Variants in TACR3 observed in about 807,000 individuals in gnomAD.
The protein encoded by TACR3 is neuromedin-K receptor.
TACR3 carries 34 observed loss-of-function variants against 35.0 expected under a neutral mutation model. The observed-to-expected ratio is 0.97, with a 90% CI of 0.74 to 1.30. The LOEUF (loss-of-function observed/expected upper bound fraction) is 1.30. Ranked by LOEUF, TACR3 falls within the 50% of genes most tolerant of loss-of-function variation. The pLI is 0.00. For missense variants in TACR3, 558 were observed against 591.7 expected (o/e 0.94, Z 0.59); for synonymous variants, 233 against 221.1 (o/e 1.05, Z -0.48).
At chr4:103,662,209 T>C (rs1454068239) in intron 1 of TACR3, among the ~76,000 whole-genome samples, 1 of 147,470 alleles carries the variant, frequency 6.8e-6, no homozygotes, top group Non-Finnish European at 1.5e-5. Context: ...AACTCCTATG[T>C]TGATGGTGTT....
At chr4:103,595,907 C>A (rs1399738668) in intron 3 of TACR3, among the ~76,000 whole-genome samples, 1 of 122,038 alleles carries the variant, frequency 8.2e-6, no homozygotes, top group Non-Finnish European at 1.7e-5. Context: ...CCCCTCCCCC[C>A]ACCCCACAAC....
chr4:103,659,895 A>G (rs1268833644), intron 1 of TACR3, among the ~76,000 whole-genome samples: 2 of 152,130 alleles, frequency 1.3e-5, no homozygotes, highest in East Asian at 3.9e-4. Context: ...TATGTACCAA[A>G]CAAATTAGCT....
In TACR3 at chr4:103,591,391, C is replaced by A. The variant is rs1723889444; in HGVS notation, c.1085+96G>T. ...ATTCTTAAATTTTCCCTTCCTTCTG[C>A]ATTTTGAATTTGAACCAAGAAAATG... On this transcript the variant is annotated intron_variant, in intron 4 of 4. Transcript: ENST00000304883. The A allele has an allele frequency of 4.1e-6, 6 of 1,461,724 alleles. No individual in the cohort carries two copies. In the South Asian group the frequency reaches 6.9e-5, roughly 17 times the overall value. The allele number at this position is 1,461,724 out of a possible 1,614,324, so 90.5% of individuals were successfully genotyped here.
chr4:103,681,647 C>G (rs977291), intron 1 of TACR3, among the ~76,000 whole-genome samples: 1 of 151,856 alleles, frequency 6.6e-6, no homozygotes, highest in African/African-American at 2.4e-5. Flanking sequence ...TGGTCAGATC[C>G]ACAAATTCAC....
chr4:103,713,991 G>C (rs1723031115), intron 1 of TACR3, among the ~76,000 whole-genome samples: 1 of 152,026 alleles, frequency 6.6e-6, no homozygotes, highest in South Asian at 2.1e-4. Flanking sequence ...GGACAGTGTT[G>C]GGAAAATAAT....
rs1048586939 is a variant in TACR3, at chr4:103,586,428, T to C, written c.*3254A>G. On this transcript the variant is annotated 3_prime_UTR_variant, in exon 5 of 5. Transcript: ENST00000304883. ...GAAGTGTGAGAAATGTTTGTAAGTC[T>C]CCTGCTTTTCTATTTGATGAAATAG... 2.0e-5 allele frequency: 3 copies of C among 152,094 alleles called. No homozygotes were observed. The highest frequency in any genetic ancestry group is 7.2e-5 in the African/African-American group (3 of 41,432). 9.4% of individuals were successfully genotyped at this position (152,094 alleles called of 1,614,324 possible).
chr4:103,609,063 T>C (rs1455270892), intron 3 of TACR3, among the ~76,000 whole-genome samples: 2 of 152,138 alleles, frequency 1.3e-5, no homozygotes, highest in Non-Finnish European at 2.9e-5. Context: ...AAATTGAAAG[T>C]GCTCAGAAAT....
intron 3 of TACR3, among the ~76,000 whole-genome samples, chr4:103,639,899 C>T (rs977456250): frequency 2.6e-5 from 4 of 151,952 alleles, no homozygotes; most frequent in Non-Finnish European, 5.9e-5. Flanking sequence ...CTGTATGGCA[C>T]ATAATAAGCA....
intron 3 of TACR3, among the ~76,000 whole-genome samples, chr4:103,617,719 CATTT>C (rs1373731101): frequency 2.0e-5 from 3 of 152,032 alleles, no homozygotes; most frequent in African/African-American, 7.2e-5. Flanking sequence ...GATCATAATT[CATTT>C]GAGTCATGGT....
chr4:103,603,108 C>T (rs902519319), intron 3 of TACR3, among the ~76,000 whole-genome samples: 4 of 152,210 alleles, frequency 2.6e-5, no homozygotes, highest in Non-Finnish European at 5.9e-5. Flanking sequence ...GGTGCCCCTC[C>T]CCCAGCCTCG....
chr4:103,708,365 C>A (rs1441789873), intron 1 of TACR3, among the ~76,000 whole-genome samples: 1 of 152,206 alleles, frequency 6.6e-6, no homozygotes, highest in Non-Finnish European at 1.5e-5. Context: ...TGCTGTTCTG[C>A]AGCCTCCACT....
At chr4:103,604,751 C>T (rs562736088) in intron 3 of TACR3, among the ~76,000 whole-genome samples, 1 of 151,700 alleles carries the variant, frequency 6.6e-6, no homozygotes, top group Non-Finnish European at 1.5e-5. Flanking sequence ...CTTCTCAAAA[C>T]AAGACAGTTA....
intron 1 of TACR3, among the ~76,000 whole-genome samples, chr4:103,698,804 T>C (rs1307339619): frequency 1.4e-5 from 2 of 147,858 alleles, no homozygotes; most frequent in Admixed American, 1.4e-4. Context: ...ATTGAGATGT[T>C]CCTAACACAA....
chr4:103,719,793 C>G lies in TACR3; in HGVS notation c.-118G>C. ...TTGGTGCCGGAGTCTTCAGATAAGA[C>G]TGGAAGCTGAAAGATACTGCAATCC... On this transcript the variant is annotated 5_prime_UTR_variant, in exon 1 of 5. Transcript: ENST00000304883. The G allele has an allele frequency of 3.8e-6, 5 of 1,327,160 alleles. No individual in the cohort carries two copies. Among genetic ancestry groups the G allele is most frequent in the Non-Finnish European group, 4.2e-6 (4 of 957,824 alleles). 82.2% of individuals were successfully genotyped at this position (1,327,160 alleles called of 1,614,324 possible). A position where few individuals can be genotyped will look rare whatever the true frequency, so the allele number is the denominator to read the frequency against.
chr4:103,611,624 T>A (rs576183871), intron 3 of TACR3, among the ~76,000 whole-genome samples: 2 of 149,926 alleles, frequency 1.3e-5, no homozygotes, highest in Non-Finnish European at 1.5e-5. Flanking sequence ...GTTTCAATTA[T>A]AGTTAAACTG....
chr4:103,687,133 C>A (rs1348184602), intron 1 of TACR3, among the ~76,000 whole-genome samples: 1 of 151,884 alleles, frequency 6.6e-6, no homozygotes, highest in Non-Finnish European at 1.5e-5. Context: ...TAAACAGAAC[C>A]AAAGACAAAA....
chr4:103,704,795 C>T (rs539260004), intron 1 of TACR3, among the ~76,000 whole-genome samples: 38 of 152,200 alleles, frequency 2.5e-4, no homozygotes, highest in African/African-American at 6.0e-4. Context: ...ATCCTCTCCC[C>T]GACTATCCTC....
chr4:103,616,302 A>ATGTGTGTGTG lies in TACR3; in HGVS notation c.889-24629_889-24620dup, dbSNP rs3839189. Among the ~76,000 whole-genome samples, 1,170 of 151,230 alleles carry ATGTGTGTGTG rather than the reference A, an allele frequency of 7.7e-3. 16 individuals carry two copies. Among genetic ancestry groups the ATGTGTGTGTG allele is most frequent in the African/African-American group, 0.022 (926 of 41,168 alleles). Reference sequence around the variant, plus strand: ...CAATAATGGCAGAGTACATACGTGTATGTGTGTGTGTGTGTGTTTGTGTAT... The same window carrying ATGTGTGTGTG: ...CAATAATGGCAGAGTACATACGTGTATGTGTGTGTGTGTGTGTGTGTGTGTGTTTGTGTAT... On this transcript the variant is annotated intron_variant, in intron 3 of 4. Coordinates refer to ENST00000304883, the MANE Select transcript of TACR3 (RefSeq NM_001059.3).
intron 3 of TACR3, among the ~76,000 whole-genome samples, chr4:103,598,530 T>C (rs900971712): frequency 6.6e-6 from 1 of 152,200 alleles, no homozygotes; most frequent in Non-Finnish European, 1.5e-5. Flanking sequence ...TCCTTGCCCA[T>C]GCCTATGTAC....
Sources: gnomAD v4.1 joint callset for allele counts (sites outside exome capture counted in the v4.1 genomes callset) on GRCh38, gnomAD v4.1.1 for gene constraint, MANE v1.5 for transcripts, NCBI Gene and HGNC (gene_info 2026-07-23, HGNC 2026-07-21) for gene names.